The following PHLDB1 variants were observed in gnomAD, a reference collection of about 807,000 sequenced individuals.
The protein encoded by PHLDB1 is pleckstrin homology like domain family B member 1, also known as pleckstrin homology-like domain family B member 1.
A neutral mutation model predicts 139.3 loss-of-function variants in PHLDB1; 65 were observed. The ratio of observed to expected loss-of-function variants is 0.47; its 90% CI spans 0.38 to 0.57. PHLDB1 has a LOEUF of 0.57. Among genes scored for constraint, PHLDB1 ranks in the 20% least tolerant of loss-of-function variants. The pLI, the probability that PHLDB1 is intolerant of heterozygous loss-of-function variation, is 0.00. For synonymous variants in PHLDB1, 679 were observed against 734.5 expected (o/e 0.92, Z 1.22); for missense variants, 1,624 against 1,839.7 (o/e 0.88, Z 2.14).
In PHLDB1 at chr11:118,632,960, C is replaced by A; in HGVS notation, c.2379+664C>A. The A allele has an allele frequency of 8.6e-5, 30 of 349,942 alleles. No individual in the cohort carries two copies. The highest frequency in any genetic ancestry group is 1.2e-4 in the Non-Finnish European group (30 of 250,758). The allele number at this position is 349,942 out of a possible 1,614,324, so 21.7% of individuals were successfully genotyped here. ...TTTTTGAGTTTCTTCCTCCTGCCCT[C>A]AATTTTGAGAATCTTAAAAATTCTT... On this transcript the variant is annotated intron_variant, in intron 9 of 22. Coordinates refer to ENST00000600882, the MANE Select transcript of PHLDB1 (RefSeq NM_001144758.3). The surrounding 1 kb of genome is among the most constrained non-coding windows in gnomAD (Gnocchi z 5.9).
At chr11:118,639,476 A>G (rs1946174442) in intron 12 of PHLDB1, 1 of 547,170 alleles carries the variant, frequency 1.8e-6, no homozygotes, top group Middle Eastern at 3.6e-4. Flanking sequence ...TACAGATTTC[A>G]CTGTTTTTGG....
intron 10 of PHLDB1, among the ~76,000 whole-genome samples, chr11:118,636,405 T>C (rs578199997): frequency 6.6e-6 from 1 of 152,234 alleles, no homozygotes; most frequent in South Asian, 2.1e-4. Context: ...TGCTGGACTT[T>C]CCTTGAGTCC....
chr11:118,608,517 C>G lies in PHLDB1; in HGVS notation c.-22+818C>G, dbSNP rs1257189202. ...CCGCCGAGGCAGGCTCGAGTGGGGA[C>G]TTGGCCGGGCGACCGCACAGCCCTG... On this transcript the variant is annotated intron_variant, in intron 1 of 22. Coordinates refer to ENST00000600882, the MANE Select transcript of PHLDB1 (RefSeq NM_001144758.3). The surrounding 1 kb of genome is among the most constrained non-coding windows in gnomAD (Gnocchi z 6.7). Among the ~76,000 whole-genome samples, 2 of 152,132 alleles carry G rather than the reference C, an allele frequency of 1.3e-5. No homozygotes were observed. Among genetic ancestry groups the G allele is most frequent in the African/African-American group, 2.4e-5 (1 of 41,438 alleles).
intron 10 of PHLDB1, 56 bp from the exon 11 acceptor site, chr11:118,638,835 A>C: frequency 7.4e-7 from 1 of 1,344,318 alleles, no homozygotes; most frequent in African/African-American, 1.5e-5. Context: ...GCTAGTTCTC[A>C]CCTTGGGCTC....
rs782318766 is a variant in PHLDB1 at position 118,644,027 on chromosome 11, TA to T, written c.3019-43del. The T allele has an allele frequency of 1.7e-5, 28 of 1,606,874 alleles. No individual in the cohort carries two copies. In the East Asian group the frequency reaches 5.4e-4, roughly 31 times the overall value. The stretch of plus-strand genomic sequence containing the variant: ...GAGGCCAAGACCTTGGGAATGGGGG[TA>T]AGGGCCTTCTGAGCCCAGGTCCGAA... On this transcript the variant is annotated intron_variant, in intron 14 of 22. Transcript: ENST00000600882.
At position 118,627,738 on chromosome 11, in the gene PHLDB1, TGCTCGCTCC is replaced by T; in HGVS notation, c.917_925del (p.Ala306_Ser308del). 6.2e-7 allele frequency: 1 copy of T among 1,609,178 alleles called. No individual in the cohort carries two copies. Among genetic ancestry groups the T allele is most frequent in the Non-Finnish European group, 8.5e-7 (1 of 1,179,954 alleles). On this transcript the variant is annotated inframe_deletion, in exon 6 of 23. Transcript: ENST00000600882. ...AGCCCCCACAGTCCCGCCCAAGTGG[TGCTCGCTCC>T]GAGAGTCCTCGGCTGAGCAGGAAAG...
intron 4 of PHLDB1, among the ~76,000 whole-genome samples, chr11:118,619,252 C>T (rs938280460): frequency 6.6e-6 from 1 of 152,170 alleles, no homozygotes; most frequent in Non-Finnish European, 1.5e-5. Flanking sequence ...CCCATCCACT[C>T]CTAGCATTTC....
At position 118,627,828 on chromosome 11, in the gene PHLDB1, T is replaced by C; in HGVS notation, c.1005T>C (p.Pro335=). ...TCCGGGGTCTGCTGACAGACAGCCCTGCAGCTACTGTCTTGGCGGAGGCCC... is the reference window on the plus strand; with the variant it reads ...TCCGGGGTCTGCTGACAGACAGCCCCGCAGCTACTGTCTTGGCGGAGGCCC... ...PGLRGLLTDS[P]AATVLAEARR... Residue 335 remains proline, a synonymous_variant, in exon 6 of 23, where the codon CCT becomes CCC. Coordinates refer to ENST00000600882, the MANE Select transcript of PHLDB1 (RefSeq NM_001144758.3). 1 of 1,606,290 alleles carries C rather than the reference T, an allele frequency of 6.2e-7. No individual in the cohort carries two copies. The highest frequency in any genetic ancestry group is 8.5e-7 in the Non-Finnish European group (1 of 1,179,684).
At chr11:118,630,087 G>T in intron 6 of PHLDB1, 1 of 1,269,444 alleles carries the variant, frequency 7.9e-7, no homozygotes, top group Non-Finnish European at 1.0e-6. Flanking sequence ...AGCTGGGTAA[G>T]TGTATGAGAA....
chr11:118,639,421 C>T, intron 12 of PHLDB1, 170 bp downstream of exon 12: 2 of 625,722 alleles, frequency 3.2e-6, no homozygotes, highest in Non-Finnish European at 5.8e-6. Context: ...TTTTCCATGG[C>T]TGCCAGCTGC....
At chr11:118,648,674 ATCCT>A (rs1339528152) in intron 18 of PHLDB1, among the ~76,000 whole-genome samples, 1 of 152,170 alleles carries the variant, frequency 6.6e-6, no homozygotes, top group Non-Finnish European at 1.5e-5. Flanking sequence ...CGGGACAGAA[ATCCT>A]TCCTTGCCCA....
intron 5 of PHLDB1, 196 bp from the exon 6 acceptor site, chr11:118,627,108 GA>G: frequency 1.7e-6 from 1 of 593,684 alleles, no homozygotes; most frequent in Non-Finnish European, 2.9e-6. Flanking sequence ...TTTACAGAAG[GA>G]GAAACTGAGG....
In PHLDB1 at chr11:118,650,438, C is replaced by G; in HGVS notation, c.3772-7C>G. The G allele has an allele frequency of 3.1e-6, 5 of 1,600,892 alleles. No homozygotes were observed. Among genetic ancestry groups the G allele is most frequent in the Non-Finnish European group, 4.3e-6 (5 of 1,167,872 alleles). ...TTGGGTCCTTCCTTACTCCTGCTTC[C>G]TACCAGGTCTGCCGTGGCTACTTGG... On this transcript the variant is annotated splice_polypyrimidine_tract_variant and splice_region_variant and intron_variant, in intron 19 of 22. Transcript: ENST00000600882. The surrounding 1 kb of genome is among the most constrained non-coding windows in gnomAD (Gnocchi z 4.7).
At position 118,632,389 on chromosome 11, in the gene PHLDB1, A is replaced by G; in HGVS notation, c.2379+93A>G. On this transcript the variant is annotated intron_variant, in intron 9 of 22. Transcript: ENST00000600882. This position sits in a 1 kb window ranked among gnomAD's most constrained non-coding sequence, Gnocchi z 5.9. ...TCTGGGGCCCTGTACCCTTCACCTC[A>G]TCATCCATTCTGCAGTACAAGTGGT... is the stretch of plus-strand genomic sequence containing the variant. The G allele has an allele frequency of 7.8e-7, 1 of 1,278,130 alleles. No homozygotes were observed. The highest frequency in any genetic ancestry group is 1.3e-5 in the South Asian group (1 of 76,224). 79.2% of individuals were successfully genotyped at this position (1,278,130 alleles called of 1,614,324 possible). A position where few individuals can be genotyped will look rare whatever the true frequency, so the allele number is the denominator to read the frequency against.
intron 13 of PHLDB1, chr11:118,643,465 G>T: frequency 2.1e-6 from 2 of 974,108 alleles, no homozygotes; most frequent in Non-Finnish European, 2.4e-6. Context: ...CCTGTTAGTG[G>T]CAGAGCTAGG....
At chr11:118,653,280 C>G (rs1948590705) in intron 20 of PHLDB1, 1 of 152,076 alleles carries the variant, frequency 6.6e-6, no homozygotes, top group African/African-American at 2.4e-5. Flanking sequence ...GGTGCCTTGC[C>G]TATTCCGCTT....
intron 10 of PHLDB1, chr11:118,636,869 A>G (rs1273102567): frequency 6.6e-6 from 1 of 151,954 alleles, no homozygotes; most frequent in Admixed American, 6.6e-5. Context: ...AGCTCCAGGG[A>G]GTTTGGGAGG....
Position 118,628,290 on chromosome 11 carries a change from T to C in PHLDB1, c.1467T>C (p.Ser489=). Residue 489 remains serine (S), a synonymous_variant, in exon 6 of 23, where the codon AGT becomes AGC. Coordinates refer to ENST00000600882, the MANE Select transcript of PHLDB1 (RefSeq NM_001144758.3). The stretch of plus-strand genomic sequence containing the variant: ...AGCTAAACAGGGAAGTGGCAGAGAG[T>C]CCTCGGCCCCGGCGCTGGGCAGCCC... ...DPKLNREVAE[S]PRPRRWAAHG... 2 of 1,612,662 alleles carry C rather than the reference T, an allele frequency of 1.2e-6. No individual in the cohort carries two copies. Among genetic ancestry groups the C allele is most frequent in the South Asian group, 1.1e-5 (1 of 90,972 alleles).
chr11:118,635,677 C>A, intron 10 of PHLDB1, 129 bp downstream of exon 10: 2 of 833,832 alleles, frequency 2.4e-6, no homozygotes, highest in South Asian at 2.2e-5. Context: ...ATGAGAATTA[C>A]AACAGGTTGT....
Sources: gnomAD v4.1 joint callset for allele counts (sites outside exome capture counted in the v4.1 genomes callset) on GRCh38, gnomAD v4.1.1 for gene constraint, Gnocchi (gnomAD v3.1) non-coding constraint, MANE v1.5 for transcripts, NCBI Gene and HGNC (gene_info 2026-07-23, HGNC 2026-07-21) for gene names.